Variants in SORCS2 observed in about 807,000 individuals in gnomAD.
SORCS2 encodes the protein sortilin related VPS10 domain containing receptor 2, also known as VPS10 domain-containing receptor SorCS2.
In SORCS2, 100 loss-of-function variants were observed where a neutral mutation model predicts 141.6. The observed-to-expected ratio is 0.71, with a 90% CI of 0.60 to 0.83. The LOEUF is 0.83. Among genes scored for constraint, SORCS2 ranks in the 40% least tolerant of loss-of-function variants. The pLI, the probability that SORCS2 is intolerant of heterozygous loss-of-function variation, is 0.00. For synonymous variants in SORCS2, 789 were observed against 676.9 expected, an observed-to-expected ratio of 1.17 and a Z score of -2.57; for missense variants, 1,646 against 1,560.2, an observed-to-expected ratio of 1.05 and a Z score of -0.93.
chr4:7,556,861 CCCACCATCCATCCAT>C, intron 3 of SORCS2, among the ~76,000 whole-genome samples: 1 of 150,892 alleles, frequency 6.6e-6, no homozygotes, highest in Non-Finnish European at 1.5e-5. Flanking sequence ...CATCCAGTCA[CCCACCATCCATCCAT>C]CCACCATCCA....
rs1003394171 is a variant in SORCS2 at position 7,661,280 on chromosome 4, G to A, written c.888-220G>A. 2.9e-5 allele frequency among the ~76,000 whole-genome samples: 4 copies of A among 138,446 alleles called. No individual in the cohort carries two copies. The East Asian group carries it at 6.0e-4, about 21-fold the overall frequency. The allele number at this position is 138,446 out of a possible 152,430, so 90.8% of individuals were successfully genotyped here. A position where few individuals can be genotyped will look rare whatever the true frequency, so the allele number is the denominator to read the frequency against. On this transcript the variant is annotated intron_variant, in intron 5 of 26. Transcript: ENST00000507866. Reference sequence around the variant, plus strand: ...CCCCCTCAGCTCACTCAAGGAAAACGCAGAGACTCCAACCCCCTCAGCTCA... The same window carrying A: ...CCCCCTCAGCTCACTCAAGGAAAACACAGAGACTCCAACCCCCTCAGCTCA...
At chr4:7,301,734 A>G (rs1717446168) in intron 1 of SORCS2, among the ~76,000 whole-genome samples, 2 of 152,230 alleles carry the variant, frequency 1.3e-5, no homozygotes, top group African/African-American at 4.8e-5. Context: ...AATGAGGTGA[A>G]GATGGGCAAT....
chr4:7,211,936 C>T (rs531593761), intron 1 of SORCS2, among the ~76,000 whole-genome samples: 10 of 152,278 alleles, frequency 6.6e-5, no homozygotes, highest in African/African-American at 2.4e-4. Context: ...GGAAGGAGAT[C>T]GTGAATGTTA....
intron 12 of SORCS2, among the ~76,000 whole-genome samples, chr4:7,697,479 C>A (rs1724787422): frequency 2.0e-5 from 3 of 152,236 alleles, no homozygotes; most frequent in Admixed American, 1.3e-4. Context: ...CAAGTCCAGG[C>A]AGATGGCTCG....
In SORCS2 at chr4:7,483,913, AAAAC is replaced by A. The variant is rs372590254; in HGVS notation, c.549-47605_549-47602del. Among the ~76,000 whole-genome samples the A allele has an allele frequency of 8.1e-3, 1,236 of 152,334 alleles. 8 individuals are homozygous for A. Among genetic ancestry groups the A allele is most frequent in the African/African-American group, 0.028 (1,175 of 41,572 alleles). On this transcript the variant is annotated intron_variant, in intron 2 of 26. Coordinates refer to ENST00000507866, the MANE Select transcript of SORCS2 (RefSeq NM_020777.3). Reference sequence around the variant, plus strand: ...CATGTATCCCAGAACTTAAAGTGAAAAAACAAACAAACAAAAAACCAAACAAAAA... The same window carrying A: ...CATGTATCCCAGAACTTAAAGTGAAAAAACAAACAAAAAACCAAACAAAAA...
chr4:7,700,021 C>A (rs990621933), intron 12 of SORCS2, among the ~76,000 whole-genome samples: 2 of 152,234 alleles, frequency 1.3e-5, no homozygotes, highest in African/African-American at 4.8e-5. Context: ...CCAAGCTGCT[C>A]ATCTGTCCCG....
At chr4:7,662,303 G>A (rs1182848940) in intron 6 of SORCS2, among the ~76,000 whole-genome samples, 2 of 140,744 alleles carry the variant, frequency 1.4e-5, no homozygotes, top group Non-Finnish European at 1.5e-5. Context: ...TTGATAACCA[G>A]GGCAACAGCT....
chr4:7,465,492 T>G (rs944847323), intron 2 of SORCS2, among the ~76,000 whole-genome samples: 4 of 151,958 alleles, frequency 2.6e-5, no homozygotes, highest in Middle Eastern at 3.4e-3. Flanking sequence ...GCACAGGCAC[T>G]GTGAGGAGCC....
intron 1 of SORCS2, among the ~76,000 whole-genome samples, chr4:7,340,858 C>T (rs754564515): frequency 6.6e-6 from 1 of 152,228 alleles, no homozygotes; most frequent in Non-Finnish European, 1.5e-5. Context: ...GATCAAAGGT[C>T]GGCTTTACTA....
At chr4:7,508,239 G>C (rs1577673860) in intron 2 of SORCS2, among the ~76,000 whole-genome samples, 1 of 147,070 alleles carries the variant, frequency 6.8e-6, no homozygotes, top group Middle Eastern at 3.4e-3. Context: ...GAGGGATGAA[G>C]GTCAGGAGGG....
intron 1 of SORCS2, among the ~76,000 whole-genome samples, chr4:7,268,407 A>T (rs1283540274): frequency 6.6e-6 from 1 of 152,154 alleles, no homozygotes; most frequent in Non-Finnish European, 1.5e-5. Context: ...CGGCCACTTA[A>T]CAATCCCTCA....
chr4:7,729,023 A>C (rs1183248264), intron 22 of SORCS2, among the ~76,000 whole-genome samples: 1 of 152,174 alleles, frequency 6.6e-6, no homozygotes, highest in African/African-American at 2.4e-5. Context: ...AATGCTGGTA[A>C]AAGGGTCCTG....
chr4:7,557,247 C>G (rs1451944917), intron 3 of SORCS2, among the ~76,000 whole-genome samples: 1 of 152,120 alleles, frequency 6.6e-6, no homozygotes, highest in Non-Finnish European at 1.5e-5. Flanking sequence ...TTATAGTGAT[C>G]TTAGCTTCAT....
At chr4:7,383,088 C>T (rs981396250) in intron 1 of SORCS2, among the ~76,000 whole-genome samples, 2 of 152,108 alleles carry the variant, frequency 1.3e-5, no homozygotes, top group African/African-American at 2.4e-5. Context: ...TCCTCATGCC[C>T]CGCGGGGCTG....
chr4:7,434,728 C>T, intron 2 of SORCS2: 2 of 1,613,152 alleles, frequency 1.2e-6, no homozygotes, highest in Non-Finnish European at 1.7e-6. Context: ...CCATACGGCC[C>T]CTTGGCAGTA....
At chr4:7,475,819 G>A (rs1280953355) in intron 2 of SORCS2, among the ~76,000 whole-genome samples, 2 of 152,252 alleles carry the variant, frequency 1.3e-5, no homozygotes, top group East Asian at 3.8e-4. Flanking sequence ...TCCAGTGACA[G>A]ACTCAAAGTC....
At chr4:7,491,042 C>T (rs1007081261) in intron 2 of SORCS2, among the ~76,000 whole-genome samples, 1 of 152,204 alleles carries the variant, frequency 6.6e-6, no homozygotes, top group Non-Finnish European at 1.5e-5. Flanking sequence ...CTTCCTGAAA[C>T]CTTCTGCTCT....
chr4:7,462,951 T>C (rs1202158300), intron 2 of SORCS2, among the ~76,000 whole-genome samples: 4 of 151,546 alleles, frequency 2.6e-5, no homozygotes, highest in African/African-American at 9.7e-5. Flanking sequence ...GGCTTGCCAA[T>C]ATGGGGACTG....
At position 7,305,844 on chromosome 4, in the gene SORCS2, T is replaced by C. The variant is rs971562304; in HGVS notation, c.481-90444T>C. 1.2e-4 allele frequency among the ~76,000 whole-genome samples: 18 copies of C among 152,058 alleles called. No individual in the cohort carries two copies. In the East Asian group the frequency reaches 3.3e-3, roughly 28 times the overall value. ...CAGAGCACAGTCCCCTCCCCGATCA[T>C]CCCCCCAGATGCTGCCTCTGGCAAC... On this transcript the variant is annotated intron_variant, in intron 1 of 26. Transcript: ENST00000507866.
Sources: allele counts gnomAD v4.1 joint callset (sites outside exome capture counted in the v4.1 genomes callset), GRCh38; gene constraint gnomAD v4.1.1; transcripts MANE v1.5; gene names NCBI Gene and HGNC (gene_info 2026-07-23, HGNC 2026-07-21).